The following EPHA6 variants were observed in gnomAD, a reference collection of about 807,000 sequenced individuals.
EPHA6 encodes the protein ephrin type-A receptor 6.
A neutral mutation model predicts 112.0 loss-of-function variants in EPHA6; 50 were observed. The ratio of observed to expected loss-of-function variants is 0.45; its 90% CI spans 0.36 to 0.56. The LOEUF (loss-of-function observed/expected upper bound fraction) is 0.56, where lower values mean the gene tolerates loss of function less well. Ranked by LOEUF, EPHA6 falls within the 20% of genes least tolerant of loss-of-function variation. EPHA6 has a pLI of 0.00. For missense variants in EPHA6, 1,280 were observed against 1,417.4 expected, an observed-to-expected ratio of 0.90 and a Z score of 1.56; for synonymous variants, 529 against 490.7, an observed-to-expected ratio of 1.08 and a Z score of -1.03.
In EPHA6 at chr3:97,341,183, G is replaced by A. The variant is rs187189707; in HGVS notation, c.1607-63967G>A. Among the ~76,000 whole-genome samples, 323 of 152,232 alleles carry A rather than the reference G, an allele frequency of 2.1e-3. 2 individuals are homozygous for A. The highest frequency in any genetic ancestry group is 7.2e-3 in the African/African-American group (300 of 41,556). Reference sequence around the variant, plus strand: ...AGGAAGGAGAAAATGCTTGTGTGGAGGCAACTGAAAGCAATGGGCACGTTG... The same window carrying A: ...AGGAAGGAGAAAATGCTTGTGTGGAAGCAACTGAAAGCAATGGGCACGTTG... On this transcript the variant is annotated intron_variant, in intron 5 of 17. Transcript: ENST00000389672.
At chr3:97,100,428 A>G (rs527965301) in intron 3 of EPHA6, among the ~76,000 whole-genome samples, 1 of 151,884 alleles carries the variant, frequency 6.6e-6, no homozygotes, top group Non-Finnish European at 1.5e-5. Flanking sequence ...CTCAGGTGCA[A>G]CCATAATTTG....
chr3:97,638,032 G>A lies in EPHA6; in HGVS notation c.2734G>A (p.Gly912Ser). ...SNLVCKVSDFGLSRVLEDDPE... is the reference protein window; with the variant it reads ...SNLVCKVSDFSLSRVLEDDPE... Reference sequence around the variant, plus strand: ...CTTAGTATGCAAAGTTTCTGATTTTGGTCTCTCCAGAGTGCTGGAAGATGA... The same window carrying A: ...CTTAGTATGCAAAGTTTCTGATTTTAGTCTCTCCAGAGTGCTGGAAGATGA... The change falls in exon 14 of 18, where the codon GGT (glycine) becomes AGT (serine). Residue 912 changes from glycine (G) to serine (S), a missense_variant. Around this residue, in one of 4 missense-constraint regions of EPHA6, gnomAD observed 878 missense variants for 999.7 expected, o/e 0.88. Transcript: ENST00000389672. 1 of 1,613,776 alleles carries A rather than the reference G, an allele frequency of 6.2e-7. No individual in the cohort carries two copies. Among genetic ancestry groups the A allele is most frequent in the Non-Finnish European group, 8.5e-7 (1 of 1,179,824 alleles).
At chr3:97,293,664 G>C (rs970098572) in intron 5 of EPHA6, among the ~76,000 whole-genome samples, 1 of 152,204 alleles carries the variant, frequency 6.6e-6, no homozygotes, top group Non-Finnish European at 1.5e-5. Context: ...CCTGGAAAAA[G>C]CCCATAAGTT....
intron 1 of EPHA6, among the ~76,000 whole-genome samples, chr3:96,818,132 A>T (rs1422968574): frequency 6.6e-6 from 1 of 152,026 alleles, no homozygotes; most frequent in Non-Finnish European, 1.5e-5. Flanking sequence ...AAAACATTTC[A>T]TCTTTTCAAG....
chr3:97,512,329 C>G (rs2092380017), intron 10 of EPHA6, among the ~76,000 whole-genome samples: 1 of 152,002 alleles, frequency 6.6e-6, no homozygotes, highest in Non-Finnish European at 1.5e-5. Context: ...TATTTGTAAA[C>G]TTTCAGTATA....
At chr3:97,018,657 G>C (rs1472059940) in intron 3 of EPHA6, among the ~76,000 whole-genome samples, 1 of 152,208 alleles carries the variant, frequency 6.6e-6, no homozygotes, top group Non-Finnish European at 1.5e-5. Context: ...AGGTGTACAG[G>C]ATGGAACATG....
intron 3 of EPHA6, among the ~76,000 whole-genome samples, chr3:97,117,500 G>A (rs1009716387): frequency 3.3e-5 from 5 of 151,664 alleles, no homozygotes; most frequent in African/African-American, 1.2e-4. Context: ...TGTATATTGA[G>A]TGATATAAGT....
chr3:97,536,103 C>A (rs950505366), intron 11 of EPHA6, among the ~76,000 whole-genome samples: 1 of 152,170 alleles, frequency 6.6e-6, no homozygotes, highest in Non-Finnish European at 1.5e-5. Flanking sequence ...TTAGTACATA[C>A]TTTTTCTCCA....
intron 7 of EPHA6, among the ~76,000 whole-genome samples, chr3:97,470,454 A>G (rs1429226516): frequency 6.6e-6 from 1 of 151,764 alleles, no homozygotes; most frequent in Non-Finnish European, 1.5e-5. Context: ...TTAAAAATCT[A>G]TTCCACAGAA....
intron 11 of EPHA6, among the ~76,000 whole-genome samples, chr3:97,542,543 T>C (rs1438978214): frequency 2.6e-5 from 4 of 152,186 alleles, no homozygotes; most frequent in Non-Finnish European, 5.9e-5. Flanking sequence ...TGAATAGTGC[T>C]GCTATAAACA....
At chr3:96,910,671 C>A (rs1304480739) in intron 2 of EPHA6, among the ~76,000 whole-genome samples, 1 of 151,934 alleles carries the variant, frequency 6.6e-6, no homozygotes, top group Non-Finnish European at 1.5e-5. Flanking sequence ...TTCTCAAATG[C>A]CATTTGAGCA....
rs182321228 is a variant in EPHA6 at position 97,334,893 on chromosome 3, T to G, written c.1607-70257T>G. ...ATTGATTTCTCATTTGATTCCATTA[T>G]GGTTACAGAATGTACTCTATATGAT... On this transcript the variant is annotated intron_variant, in intron 5 of 17. Transcript: ENST00000389672. 2.2e-3 allele frequency among the ~76,000 whole-genome samples: 330 copies of G among 152,324 alleles called. 1 individual carries two copies. The highest frequency in any genetic ancestry group is 7.1e-3 in the African/African-American group (294 of 41,580).
chr3:97,696,654 A>G (rs1409457854), intron 14 of EPHA6, among the ~76,000 whole-genome samples: 1 of 152,188 alleles, frequency 6.6e-6, no homozygotes, highest in South Asian at 2.1e-4. Context: ...GTATTCTTCT[A>G]GCAAAAACAC....
intron 14 of EPHA6, among the ~76,000 whole-genome samples, chr3:97,689,669 T>A (rs917121658): frequency 3.3e-5 from 5 of 152,208 alleles, no homozygotes; most frequent in Non-Finnish European, 7.3e-5. Context: ...GAAATGTCGA[T>A]CATTTAAAGT....
At chr3:97,287,956 T>C (rs2080530985) in intron 5 of EPHA6, among the ~76,000 whole-genome samples, 1 of 152,070 alleles carries the variant, frequency 6.6e-6, no homozygotes, top group Non-Finnish European at 1.5e-5. Flanking sequence ...TCTGCAATTT[T>C]TGGGAATACT....
chr3:97,641,846 G>T (rs891917964), intron 14 of EPHA6, among the ~76,000 whole-genome samples: 4 of 151,962 alleles, frequency 2.6e-5, no homozygotes, highest in Non-Finnish European at 4.4e-5. Context: ...ACTGCAAGGC[G>T]GCAGCGAGGC....
chr3:97,254,345 C>A (rs933760433), intron 5 of EPHA6, among the ~76,000 whole-genome samples: 1 of 152,046 alleles, frequency 6.6e-6, no homozygotes, highest in South Asian at 2.1e-4. Context: ...CATGCCACCA[C>A]GCCAGGGTAA....
intron 2 of EPHA6, among the ~76,000 whole-genome samples, chr3:96,891,121 C>T (rs114606985): frequency 0.013 from 2,038 of 152,204 alleles, 46 homozygotes; most frequent in African/African-American, 0.044. Flanking sequence ...TACAACCTGG[C>T]TATTCTACCT....
chr3:97,159,389 T>C (rs902905890), intron 3 of EPHA6, among the ~76,000 whole-genome samples: 28 of 152,176 alleles, frequency 1.8e-4, no homozygotes, highest in Admixed American at 3.3e-4. Flanking sequence ...GAAGTATTCC[T>C]GTCTTTGGAA....
Sources: allele counts gnomAD v4.1 joint callset (sites outside exome capture counted in the v4.1 genomes callset), GRCh38; gene constraint gnomAD v4.1.1; regional missense constraint gnomAD v4.1.1; transcripts MANE v1.5; gene names NCBI Gene and HGNC (gene_info 2026-07-23, HGNC 2026-07-21).